The following ASZ1 variants were observed in gnomAD, a reference collection of about 807,000 sequenced individuals.
ASZ1 encodes ankyrin repeat, SAM and basic leucine zipper domain containing 1.
A neutral mutation model predicts 61.8 loss-of-function variants in ASZ1; 67 were observed. The ratio of observed to expected loss-of-function variants is 1.08; its 90% CI spans 0.89 to 1.33. The LOEUF (loss-of-function observed/expected upper bound fraction) is 1.33, where lower values mean the gene tolerates loss of function less well. ASZ1 is among the 40% of genes most tolerant of loss of function. ASZ1 has a pLI of 0.00. For synonymous variants in ASZ1, 193 were observed against 192.7 expected, an observed-to-expected ratio of 1.00 and a Z score of -0.01; for missense variants, 577 against 554.5, an observed-to-expected ratio of 1.04 and a Z score of -0.41.
In ASZ1 at chr7:117,375,526, G is replaced by A. The variant is rs187257892; in HGVS notation, c.1055+4412C>T. Among the ~76,000 whole-genome samples, 517 of 152,080 alleles carry A rather than the reference G, an allele frequency of 3.4e-3. 4 individuals are homozygous for A. Among genetic ancestry groups the A allele is most frequent in the African/African-American group, 0.012 (498 of 41,532 alleles). ...AAGTTAACTCTATTAATTTTTGAGA[G>A]ATTTGCTTCAACCTGCCAAAGCCTT... On this transcript the variant is annotated intron_variant, in intron 10 of 12. Coordinates refer to ENST00000284629, the MANE Select transcript of ASZ1 (RefSeq NM_130768.3).
chr7:117,390,614 CTG>C (rs1460388846), intron 4 of ASZ1, among the ~76,000 whole-genome samples: 4 of 152,198 alleles, frequency 2.6e-5, no homozygotes. Context: ...AATCTCCAAA[CTG>C]TTTTCCACAG....
chr7:117,416,344 T>G (rs1796991078), intron 4 of ASZ1, among the ~76,000 whole-genome samples: 1 of 152,224 alleles, frequency 6.6e-6, no homozygotes, highest in Admixed American at 6.5e-5. Flanking sequence ...CTAAATACTT[T>G]AAAATTCTGC....
chr7:117,411,090 G>C (rs1796881065), intron 4 of ASZ1, among the ~76,000 whole-genome samples: 1 of 151,688 alleles, frequency 6.6e-6, no homozygotes. Flanking sequence ...TGTGATCTTG[G>C]TTTTTGTGCA....
intron 4 of ASZ1, among the ~76,000 whole-genome samples, chr7:117,409,730 A>AT (rs1259357870): frequency 6.6e-6 from 1 of 151,892 alleles, no homozygotes; most frequent in Non-Finnish European, 1.5e-5. Flanking sequence ...ATGAAAACAT[A>AT]TTTTTATTAT....
At chr7:117,401,557 T>C (rs1420430490) in intron 4 of ASZ1, among the ~76,000 whole-genome samples, 1 of 152,024 alleles carries the variant, frequency 6.6e-6, no homozygotes, top group African/African-American at 2.4e-5. Flanking sequence ...AGACCCAGAA[T>C]CAACAAATGA....
At chr7:117,380,594 A>G (rs536868896) in intron 9 of ASZ1, among the ~76,000 whole-genome samples, 1 of 151,698 alleles carries the variant, frequency 6.6e-6, no homozygotes, top group Non-Finnish European at 1.5e-5. Context: ...TCCCGCAGCT[A>G]TATGTTATTA....
In ASZ1 at chr7:117,379,923, A is replaced by G. The variant is rs1365872793; in HGVS notation, c.1055+15T>C. 3 of 1,486,588 alleles carry G rather than the reference A, an allele frequency of 2.0e-6. No homozygotes were observed. The highest frequency in any genetic ancestry group is 2.3e-5 in the East Asian group (1 of 43,856). The allele number at this position is 1,486,588 out of a possible 1,614,324, so 92.1% of individuals were successfully genotyped here. A position where few individuals can be genotyped will look rare whatever the true frequency, so the allele number is the denominator to read the frequency against. The stretch of plus-strand genomic sequence containing the variant: ...TTAACACTATTAATAATATAAACAA[A>G]TAAGTTAATTTTACCTGATTTCCAA... On this transcript the variant is annotated intron_variant, in intron 10 of 12. Transcript: ENST00000284629.
chr7:117,408,690 G>T (rs766641294), intron 4 of ASZ1, among the ~76,000 whole-genome samples: 7 of 152,020 alleles, frequency 4.6e-5, no homozygotes, highest in Non-Finnish European at 1.0e-4. Context: ...AAAAAGAAAT[G>T]AACTACTGAT....
At chr7:117,367,067 A>G (rs1050937310) in intron 12 of ASZ1, among the ~76,000 whole-genome samples, 93 of 152,228 alleles carry the variant, frequency 6.1e-4, no homozygotes, top group Non-Finnish European at 1.3e-4. Flanking sequence ...GTGTTCTCAC[A>G]TAAGAATATC....
chr7:117,392,884 T>C (rs1796499527), intron 4 of ASZ1, among the ~76,000 whole-genome samples: 1 of 151,342 alleles, frequency 6.6e-6, no homozygotes, highest in Admixed American at 6.6e-5. Flanking sequence ...TCTCACTCTG[T>C]TGCCCAGGCT....
intron 4 of ASZ1, among the ~76,000 whole-genome samples, chr7:117,393,823 T>G (rs1796524234): frequency 6.6e-6 from 1 of 152,160 alleles, no homozygotes; most frequent in Non-Finnish European, 1.5e-5. Flanking sequence ...AGAATCACCT[T>G]GTTAGATTGA....
intron 4 of ASZ1, among the ~76,000 whole-genome samples, chr7:117,407,511 T>C (rs1796808346): frequency 6.6e-6 from 1 of 152,148 alleles, no homozygotes; most frequent in Admixed American, 6.5e-5. Flanking sequence ...TAGTGAACCA[T>C]TTAAATACTA....
intron 12 of ASZ1, among the ~76,000 whole-genome samples, chr7:117,365,699 T>G (rs1212060850): frequency 6.6e-6 from 1 of 152,204 alleles, no homozygotes; most frequent in Non-Finnish European, 1.5e-5. Context: ...CCTTTGATTC[T>G]TCTAGATGAG....
At chr7:117,406,077 A>AG (rs147327860) in intron 4 of ASZ1, among the ~76,000 whole-genome samples, 3,184 of 152,296 alleles carry the variant, frequency 0.021, 110 homozygotes, top group African/African-American at 0.073. Flanking sequence ...CTTAGACCAT[A>AG]GGGTCATTAT....
At chr7:117,407,581 A>T (rs538081729) in intron 4 of ASZ1, among the ~76,000 whole-genome samples, 10 of 152,348 alleles carry the variant, frequency 6.6e-5, no homozygotes, top group African/African-American at 2.4e-4. Context: ...AGGAGCAGTA[A>T]GAGATAACAG....
chr7:117,403,670 T>C (rs1796721842), intron 4 of ASZ1, among the ~76,000 whole-genome samples: 1 of 152,142 alleles, frequency 6.6e-6, no homozygotes, highest in Non-Finnish European at 1.5e-5. Context: ...CACCCTTTAC[T>C]ATCTATTGCT....
intron 2 of ASZ1, among the ~76,000 whole-genome samples, chr7:117,426,016 GA>G (rs1461420544): frequency 6.6e-6 from 1 of 151,836 alleles, no homozygotes; most frequent in Non-Finnish European, 1.5e-5. Flanking sequence ...CCCCAAAAAT[GA>G]AATCTGATGC....
At chr7:117,379,783 T>C (rs1477013796) in intron 10 of ASZ1, among the ~76,000 whole-genome samples, 155 bp downstream of exon 10, 1 of 151,886 alleles carries the variant, frequency 6.6e-6, no homozygotes, top group Non-Finnish European at 1.5e-5. Context: ...CTTTACAAAG[T>C]ACATCTAATT....
chr7:117,414,680 G>C (rs1261626443), intron 4 of ASZ1, among the ~76,000 whole-genome samples: 1 of 152,004 alleles, frequency 6.6e-6, no homozygotes, highest in Non-Finnish European at 1.5e-5. Context: ...TCCCCTCCCT[G>C]TGTCCATGTG....
Sources: gnomAD v4.1 joint callset for allele counts (sites outside exome capture counted in the v4.1 genomes callset) on GRCh38, gnomAD v4.1.1 for gene constraint, MANE v1.5 for transcripts, NCBI Gene and HGNC (gene_info 2026-07-23, HGNC 2026-07-21) for gene names.